FAM25A: variants seen among roughly 807,000 people sequenced by gnomAD.
The protein encoded by FAM25A is protein FAM25A.
Under a neutral mutation model 6.6 loss-of-function variants are expected in FAM25A, and 5 were observed. That is an observed-to-expected ratio of 0.75 (90% confidence interval 0.39 to 1.59). The LOEUF is 1.59. Among genes scored for constraint, FAM25A ranks in the 40% most tolerant of loss-of-function variants. The pLI is 0.02. For missense variants in FAM25A, 93 were observed against 109.7 expected, an observed-to-expected ratio of 0.85 and a Z score of 0.68; for synonymous variants, 36 against 41.3, an observed-to-expected ratio of 0.87 and a Z score of 0.49.
rs1845336832 is a variant in FAM25A at position 87,022,316 on chromosome 10, C to T, written c.76C>T (p.His26Tyr). The T allele has an allele frequency of 3.2e-6, 5 of 1,548,954 alleles. No homozygotes were observed. In the East Asian group the frequency reaches 9.8e-5, roughly 30 times the overall value. ...CTGGACTTGTCTCCTCTGTTCAGTT[C>T]ATGCCGTGGAAGAAGTGGTGAAGGA... ...RTEKATEGAI[H>Y]AVEEVVKEVV... The change falls in exon 2 of 3, where the codon CAT (histidine) becomes TAT (tyrosine). Residue 26 changes from histidine (H) to tyrosine (Y), a missense_variant and splice_region_variant. His to Tyr is a moderately conservative substitution (Grantham distance 83, BLOSUM62 2). Transcript: ENST00000343959.
chr10:87,022,355 G>A lies in FAM25A; in HGVS notation c.115G>A (p.Ala39Thr), dbSNP rs370390585. 20 of 1,548,528 alleles carry A rather than the reference G, an allele frequency of 1.3e-5. No homozygotes were observed. The East Asian group carries it at 1.5e-4, about 11-fold the overall frequency. The change falls in exon 2 of 3, where the codon GCC becomes ACC. Residue 39 changes from alanine to threonine, a missense_variant. Transcript: ENST00000343959. ...AGTGGTGAAGGAGGTGGTGGGACAC[G>A]CCAAGGAGACTGGAGAGAAAGGTAC... ...EEVVKEVVGHAKETGEKAIAE... is the reference protein window; with the variant it reads ...EEVVKEVVGHTKETGEKAIAE...
intron 2 of FAM25A, among the ~76,000 whole-genome samples, chr10:87,024,111 G>A (rs1371869785): frequency 1.3e-5 from 2 of 150,620 alleles, no homozygotes; most frequent in African/African-American, 4.9e-5. Context: ...GCGCCATAAA[G>A]GAAATATTAA....
intron 1 of FAM25A, among the ~76,000 whole-genome samples, chr10:87,021,673 A>G (rs1845330576): frequency 6.6e-6 from 1 of 152,228 alleles, no homozygotes; most frequent in African/African-American, 2.4e-5. Flanking sequence ...CATCACCCCA[A>G]CAGATTCCCA....
intron 1 of FAM25A, 88 bp downstream of exon 1, chr10:87,020,485 G>A: frequency 3.4e-6 from 5 of 1,485,434 alleles, no homozygotes; most frequent in Non-Finnish European, 4.5e-6. Flanking sequence ...AGGCAGGTGA[G>A]GACCTGGGAG....
chr10:87,022,273 C>T, intron 1 of FAM25A, 41 bp from the exon 2 acceptor site: 1 of 1,547,928 alleles, frequency 6.5e-7, no homozygotes, highest in Non-Finnish European at 8.7e-7. Flanking sequence ...GGCAGCGGCT[C>T]TGCTCTGAGC....
Position 87,024,455 on chromosome 10 carries a change from A to T in FAM25A, c.137-86A>T, listed in dbSNP as rs544944093. The T allele has an allele frequency of 7.0e-5, 108 of 1,533,186 alleles. No individual in the cohort carries two copies. In the African/African-American group the frequency reaches 1.2e-3, roughly 17 times the overall value. The allele number at this position is 1,533,186 out of a possible 1,614,324, so 95.0% of individuals were successfully genotyped here. On this transcript the variant is annotated intron_variant, in intron 2 of 2. Transcript: ENST00000343959. ...GGCCACTCCAGAGACTAATCCATTA[A>T]GATGGCCACATCCCACAGGCCACTC...
chr10:87,021,646 G>T (rs1446074679), intron 1 of FAM25A, among the ~76,000 whole-genome samples: 2 of 152,148 alleles, frequency 1.3e-5, no homozygotes, highest in Non-Finnish European at 2.9e-5. Flanking sequence ...CCGCCCCCGC[G>T]ACCTGGTGTT....
chr10:87,023,877 C>T (rs1159983618), intron 2 of FAM25A, among the ~76,000 whole-genome samples: 3 of 152,098 alleles, frequency 2.0e-5, no homozygotes, highest in Non-Finnish European at 4.4e-5. Context: ...GCTCTGTCCT[C>T]ACATGGTGGA....
At chr10:87,020,890 G>A (rs1310128867) in intron 1 of FAM25A, among the ~76,000 whole-genome samples, 1 of 152,098 alleles carries the variant, frequency 6.6e-6, no homozygotes, top group Admixed American at 6.6e-5. Flanking sequence ...GTAGTGGTGC[G>A]ATCTCGGCTC....
rs551335362 is a variant in FAM25A at position 87,023,101 on chromosome 10, G to A, written c.136+725G>A. Among the ~76,000 whole-genome samples the A allele has an allele frequency of 7.9e-5, 12 of 151,262 alleles. No individual in the cohort carries two copies. The South Asian group carries it at 2.3e-3, about 29-fold the overall frequency. ...CTGGGCACGGTGGCGGGTGCCTGTA[G>A]TCCTAGCTACTCGGGAGGCTGAGGC... On this transcript the variant is annotated intron_variant, in intron 2 of 2. Coordinates refer to ENST00000343959, the MANE Select transcript of FAM25A (RefSeq NM_001146157.3).
chr10:87,020,939 T>C (rs891591051), intron 1 of FAM25A, among the ~76,000 whole-genome samples: 8 of 152,178 alleles, frequency 5.3e-5, no homozygotes, highest in Non-Finnish European at 8.8e-5. Flanking sequence ...GTGATTCTCA[T>C]GCCTTAGCCT....
intron 1 of FAM25A, 55 bp from the exon 2 acceptor site, chr10:87,022,259 G>A (rs1845335574): frequency 6.5e-7 from 1 of 1,544,134 alleles, no homozygotes; most frequent in Admixed American, 2.0e-5. Flanking sequence ...CCCTGGACTG[G>A]GAGGGCAGCG....
At chr10:87,023,308 A>G (rs1450323478) in intron 2 of FAM25A, among the ~76,000 whole-genome samples, 2 of 152,262 alleles carry the variant, frequency 1.3e-5, no homozygotes, top group Non-Finnish European at 2.9e-5. Flanking sequence ...TGTACAAAGC[A>G]TATGTATATC....
At chr10:87,022,669 G>A (rs1449518312) in intron 2 of FAM25A, among the ~76,000 whole-genome samples, 1 of 152,248 alleles carries the variant, frequency 6.6e-6, no homozygotes, top group Non-Finnish European at 1.5e-5. Flanking sequence ...GCTCACGCCT[G>A]TAATCCCAGC....
Position 87,020,376 on chromosome 10 carries a change from G to A in FAM25A, c.52G>A (p.Glu18Lys), listed in dbSNP as rs910737387. The A allele has an allele frequency of 6.7e-5, 104 of 1,549,328 alleles. No individual in the cohort carries two copies. Among genetic ancestry groups the A allele is most frequent in the Non-Finnish European group, 8.3e-5 (95 of 1,146,826 alleles). ...LAAEGLAHRT[E>K]KATEGAIHAV... ...TGCCGAAGGCCTGGCCCACCGCACC[G>A]AGAAGGCCACCGAGGGAGCCAGTGA... Residue 18 changes from glutamate (E) to lysine (K), a missense_variant, in exon 1 of 3, where the codon GAG becomes AAG. Coordinates refer to ENST00000343959, the MANE Select transcript of FAM25A (RefSeq NM_001146157.3).
In FAM25A at chr10:87,020,392, G is replaced by A. The variant is rs1845319999; in HGVS notation, c.68G>A (p.Gly23Glu). 6.5e-7 allele frequency: 1 copy of A among 1,549,488 alleles called. No homozygotes were observed. Among genetic ancestry groups the A allele is most frequent in the African/African-American group, 1.4e-5 (1 of 73,088 alleles). The change falls in exon 1 of 3, where the codon GGA (glycine) becomes GAA (glutamate). Residue 23 changes from glycine (G) to glutamate (E), a missense_variant. Gly to Glu is a moderately conservative substitution (Grantham distance 98). Coordinates refer to ENST00000343959, the MANE Select transcript of FAM25A (RefSeq NM_001146157.3). ...CACCGCACCGAGAAGGCCACCGAGG[G>A]AGCCAGTGAGGACCTGGGGCTCCTT... is the stretch of plus-strand genomic sequence containing the variant. Reference protein sequence around the residue: ...LAHRTEKATEGAIHAVEEVVK... With the variant: ...LAHRTEKATEEAIHAVEEVVK...
In FAM25A at chr10:87,022,321, C is replaced by G. The variant is rs761669044; in HGVS notation, c.81C>G (p.Ala27=). ...CTTGTCTCCTCTGTTCAGTTCATGC[C>G]GTGGAAGAAGTGGTGAAGGAGGTGG... ...TEKATEGAIH[A]VEEVVKEVVG... Residue 27 remains alanine (A), a synonymous_variant, in exon 2 of 3, where the codon GCC becomes GCG. Transcript: ENST00000343959. The G allele has an allele frequency of 1.2e-5, 18 of 1,548,776 alleles. No individual in the cohort carries two copies. Among genetic ancestry groups the G allele is most frequent in the African/African-American group, 2.7e-5 (2 of 72,928 alleles).
chr10:87,020,357 A>G lies in FAM25A; in HGVS notation c.33A>G (p.Glu11=), dbSNP rs188533961. 29,141 of 1,544,900 alleles carry G rather than the reference A, an allele frequency of 0.019. 675 individuals are homozygous for G. The highest frequency in any genetic ancestry group is 0.098 in the African/African-American group (7,091 of 72,424). MLGGLGKLAA[E]GLAHRTEKAT... ...GAGGCCTGGGGAAGCTGGCTGCCGA[A>G]GGCCTGGCCCACCGCACCGAGAAGG... Residue 11 remains glutamate (E), a synonymous_variant, in exon 1 of 3, where the codon GAA becomes GAG. Coordinates refer to ENST00000343959, the MANE Select transcript of FAM25A (RefSeq NM_001146157.3).
At chr10:87,023,535 A>G (rs1234289497) in intron 2 of FAM25A, among the ~76,000 whole-genome samples, 1 of 152,174 alleles carries the variant, frequency 6.6e-6, no homozygotes, top group African/African-American at 2.4e-5. Context: ...AGCCTGACCA[A>G]TATGGTGAAA....
Sources: allele counts gnomAD v4.1 joint callset (sites outside exome capture counted in the v4.1 genomes callset), GRCh38; gene constraint gnomAD v4.1.1; transcripts MANE v1.5; gene names NCBI Gene and HGNC (gene_info 2026-07-23, HGNC 2026-07-21).